Variants in PRKG1 observed in about 807,000 individuals in gnomAD.
The protein encoded by PRKG1 is cGMP-dependent protein kinase 1.
Under a neutral mutation model 88.1 loss-of-function variants are expected in PRKG1, and 35 were observed. That is an observed-to-expected ratio of 0.40 (90% CI 0.30 to 0.53). The LOEUF (loss-of-function observed/expected upper bound fraction) is 0.53. Among genes scored for constraint, PRKG1 ranks in the 20% least tolerant of loss-of-function variants. PRKG1 has a pLI of 0.59. For missense variants in PRKG1, 540 were observed against 839.8 expected, an observed-to-expected ratio of 0.64 and a Z score of 4.41; for synonymous variants, 303 against 292.5, an observed-to-expected ratio of 1.04 and a Z score of -0.37.
intron 2 of PRKG1, among the ~76,000 whole-genome samples, chr10:51,445,670 A>G (rs1429734213): frequency 6.6e-6 from 1 of 151,932 alleles, no homozygotes; most frequent in Non-Finnish European, 1.5e-5. Flanking sequence ...AAAGTAGATA[A>G]TTACTTGATT....
chr10:52,038,078 C>G (rs1252657818), intron 5 of PRKG1, among the ~76,000 whole-genome samples: 1 of 152,120 alleles, frequency 6.6e-6, no homozygotes, highest in East Asian at 1.9e-4. Context: ...GTGCCATTTT[C>G]TGGCTATTTG....
Position 51,239,266 on chromosome 10 carries a change from C to T in PRKG1, c.478+85936C>T, listed in dbSNP as rs531694877. The stretch of plus-strand genomic sequence containing the variant: ...TAAATAATAGAAGTATTGGAACATA[C>T]GAAAACAATGCAGGAAAAGGCCAGA... On this transcript the variant is annotated intron_variant, in intron 2 of 17. Transcript: ENST00000373980. 5.3e-5 allele frequency among the ~76,000 whole-genome samples: 8 copies of T among 152,024 alleles called. No homozygotes were observed. In the South Asian group the frequency reaches 1.0e-3, roughly 20 times the overall value.
chr10:51,815,182 G>A (rs983446743), intron 4 of PRKG1, among the ~76,000 whole-genome samples: 6 of 152,166 alleles, frequency 3.9e-5, no homozygotes, highest in African/African-American at 1.2e-4. Flanking sequence ...TGACAAAGCA[G>A]TTTAATATTC....
intron 3 of PRKG1, among the ~76,000 whole-genome samples, chr10:51,494,848 AT>A (rs1840808298): frequency 6.6e-6 from 1 of 152,030 alleles, no homozygotes; most frequent in Non-Finnish European, 1.5e-5. Context: ...TATTCTGTTC[AT>A]TTTATTATGC....
intron 7 of PRKG1, among the ~76,000 whole-genome samples, chr10:52,124,610 C>T (rs1004433030): frequency 6.6e-6 from 1 of 151,976 alleles, no homozygotes; most frequent in Non-Finnish European, 1.5e-5. Flanking sequence ...TAGTCTACAC[C>T]AAATTTATAA....
At chr10:51,602,786 A>T (rs1355227398) in intron 3 of PRKG1, among the ~76,000 whole-genome samples, 1 of 143,022 alleles carries the variant, frequency 7.0e-6, no homozygotes, top group Non-Finnish European at 1.5e-5. Context: ...GTGTGTATAT[A>T]TTCATATATA....
At chr10:52,222,544 A>T (rs1460489119) in intron 9 of PRKG1, among the ~76,000 whole-genome samples, 2 of 152,190 alleles carry the variant, frequency 1.3e-5, no homozygotes, top group Non-Finnish European at 2.9e-5. Flanking sequence ...AGATGAATGT[A>T]TAAAGAGATG....
At chr10:52,243,096 C>T (rs1840910419) in intron 9 of PRKG1, among the ~76,000 whole-genome samples, 1 of 152,076 alleles carries the variant, frequency 6.6e-6, no homozygotes, top group Admixed American at 6.6e-5. Flanking sequence ...ATTTTTAAAA[C>T]ATCTCTTTTG....
intron 2 of PRKG1, among the ~76,000 whole-genome samples, chr10:51,410,961 T>C (rs1199453527): frequency 6.6e-6 from 1 of 152,162 alleles, no homozygotes; most frequent in East Asian, 1.9e-4. Flanking sequence ...CTTAGTGATT[T>C]TCAGCTTTTA....
At chr10:51,177,910 A>G (rs1837239848) in intron 2 of PRKG1, among the ~76,000 whole-genome samples, 1 of 152,048 alleles carries the variant, frequency 6.6e-6, no homozygotes, top group African/African-American at 2.4e-5. Context: ...TACTATAACC[A>G]TAGTGCCCAC....
rs534337124 is a variant in PRKG1 at position 51,354,176 on chromosome 10, G to A, written c.479-113547G>A. Among the ~76,000 whole-genome samples the A allele has an allele frequency of 8.0e-5, 11 of 137,702 alleles. 1 individual carries two copies. In the South Asian group the frequency reaches 2.9e-3, roughly 36 times the overall value. 90.3% of individuals were successfully genotyped at this position (137,702 alleles called of 152,430 possible). A position where few individuals can be genotyped will look rare whatever the true frequency, so the allele number is the denominator to read the frequency against. The stretch of plus-strand genomic sequence containing the variant: ...TGGGAAGGGTCGTGATGGGGGCAGA[G>A]AGGTGGGGACGGTTAATGGGCACAA... On this transcript the variant is annotated intron_variant, in intron 2 of 17. Coordinates refer to ENST00000373980, the MANE Select transcript of PRKG1 (RefSeq NM_006258.4).
intron 2 of PRKG1, among the ~76,000 whole-genome samples, chr10:51,413,794 A>G (rs1287999634): frequency 6.6e-6 from 1 of 152,266 alleles, no homozygotes; most frequent in African/African-American, 2.4e-5. Flanking sequence ...TACAAACCAA[A>G]AAACCCAAGA....
intron 1 of PRKG1, among the ~76,000 whole-genome samples, chr10:51,078,226 T>C (rs1397956968): frequency 6.6e-6 from 1 of 151,896 alleles, no homozygotes; most frequent in Admixed American, 6.6e-5. Context: ...TTTTCCTTTG[T>C]TGTTGTTGTT....
chr10:51,344,663 G>T (rs1208607973), intron 2 of PRKG1, among the ~76,000 whole-genome samples: 1 of 152,038 alleles, frequency 6.6e-6, no homozygotes. Context: ...GGTACAAGAT[G>T]TCCTTTTTTT....
At chr10:52,226,142 A>T (rs973917764) in intron 9 of PRKG1, among the ~76,000 whole-genome samples, 4 of 151,548 alleles carry the variant, frequency 2.6e-5, no homozygotes, top group Non-Finnish European at 5.9e-5. Flanking sequence ...ACTTCATGAT[A>T]TCATAAAACT....
intron 3 of PRKG1, among the ~76,000 whole-genome samples, chr10:51,587,366 A>G (rs1261860227): frequency 6.6e-6 from 1 of 152,188 alleles, no homozygotes; most frequent in African/African-American, 2.4e-5. Flanking sequence ...GTTGTAAATT[A>G]CGCATGTCAA....
At chr10:51,568,888 T>C (rs1357456676) in intron 3 of PRKG1, 2 of 152,048 alleles carry the variant, frequency 1.3e-5, no homozygotes, top group Non-Finnish European at 2.9e-5. Flanking sequence ...GAAGTGGGCA[T>C]AGAACCAATA....
intron 3 of PRKG1, among the ~76,000 whole-genome samples, chr10:51,594,698 G>T (rs1487058601): frequency 2.0e-5 from 3 of 152,136 alleles, no homozygotes; most frequent in Non-Finnish European, 4.4e-5. Flanking sequence ...CAGTTTTGCA[G>T]ATTATCACTC....
At position 50,991,718 on chromosome 10, in the gene PRKG1, G is replaced by A; in HGVS notation, c.266+74G>A. On this transcript the variant is annotated intron_variant, in intron 1 of 17. Coordinates refer to the PRKG1 transcript ENST00000401604. The surrounding 1 kb of genome is among the most constrained non-coding windows in gnomAD (Gnocchi z 4.5). ...AGAGGCTGGGGGCTCTGGCCGCGGC[G>A]GCGGGGGCGGGTCGGCCCAGGGCGC... The A allele has an allele frequency of 9.0e-7, 1 of 1,105,408 alleles. No individual in the cohort carries two copies. Among genetic ancestry groups the A allele is most frequent in the African/African-American group, 1.7e-5 (1 of 59,388 alleles). 68.5% of individuals were successfully genotyped at this position (1,105,408 alleles called of 1,614,324 possible). A position where few individuals can be genotyped will look rare whatever the true frequency, so the allele number is the denominator to read the frequency against.
Sources: allele counts gnomAD v4.1 joint callset (sites outside exome capture counted in the v4.1 genomes callset), GRCh38; gene constraint gnomAD v4.1.1; non-coding constraint Gnocchi (gnomAD v3.1); transcripts MANE v1.5; gene names NCBI Gene and HGNC (gene_info 2026-07-23, HGNC 2026-07-21).